CORO2B: variants seen among roughly 807,000 people sequenced by gnomAD.
CORO2B encodes the protein coronin-2B.
A neutral mutation model predicts 58.8 loss-of-function variants in CORO2B; 26 were observed. The observed-to-expected ratio is 0.44, with a 90% CI of 0.32 to 0.61. The LOEUF is 0.61. CORO2B is among the 20% of genes least tolerant of loss of function. The pLI, the probability that CORO2B is intolerant of heterozygous loss-of-function variation, is 0.04. For missense variants in CORO2B, 460 were observed against 645.1 expected (o/e 0.71, Z 3.11); for synonymous variants, 242 against 253.8 (o/e 0.95, Z 0.44).
intron 1 of CORO2B, among the ~76,000 whole-genome samples, chr15:68,595,610 C>G (rs1899806449): frequency 6.6e-6 from 1 of 152,188 alleles, no homozygotes; most frequent in Admixed American, 6.5e-5. Flanking sequence ...CTTCCTGTTT[C>G]CCATGGTGGA....
intron 2 of CORO2B, among the ~76,000 whole-genome samples, chr15:68,664,427 C>T (rs2140289581): frequency 6.6e-6 from 1 of 152,246 alleles, no homozygotes; most frequent in Non-Finnish European, 1.5e-5. Context: ...ACAGGCGGAT[C>T]ACGAGGTCAG....
intron 2 of CORO2B, among the ~76,000 whole-genome samples, chr15:68,656,175 C>T (rs1244751101): frequency 3.5e-5 from 4 of 113,158 alleles, no homozygotes; most frequent in East Asian, 3.1e-4. Context: ...ACCGTCCCCC[C>T]CGCCCCCCGA....
chr15:68,665,500 T>C (rs1222172209), intron 2 of CORO2B, among the ~76,000 whole-genome samples: 2 of 151,114 alleles, frequency 1.3e-5, no homozygotes, highest in Non-Finnish European at 2.9e-5. Flanking sequence ...GATCTGCTTA[T>C]ATAGATAGAA....
chr15:68,602,594 C>T (rs879854585), intron 1 of CORO2B, among the ~76,000 whole-genome samples: 8 of 152,240 alleles, frequency 5.3e-5, no homozygotes, highest in Non-Finnish European at 1.0e-4. Context: ...GTAACCTCCA[C>T]GGTTCCCAGG....
intron 2 of CORO2B, among the ~76,000 whole-genome samples, chr15:68,648,654 AAAAG>A (rs923775330): frequency 3.9e-5 from 6 of 152,290 alleles, no homozygotes; most frequent in African/African-American, 7.2e-5. Context: ...CGTCTCAAAA[AAAAG>A]AAAGAGAGAG....
chr15:68,648,268 G>T (rs1901517303), intron 2 of CORO2B, among the ~76,000 whole-genome samples: 1 of 151,498 alleles, frequency 6.6e-6, no homozygotes, highest in African/African-American at 2.4e-5. Context: ...GGGAGGCAGA[G>T]GTTGCAGTGG....
the CORO2B span, among the ~76,000 whole-genome samples, chr15:68,565,009 G>C: frequency 6.6e-6 from 1 of 152,088 alleles, no homozygotes; most frequent in South Asian, 2.1e-4. Context: ...TATCCTTATA[G>C]TTAAGATTTT....
At position 68,710,188 on chromosome 15, in the gene CORO2B, A is replaced by G. The variant is rs1487589873; in HGVS notation, c.334-544A>G. Among the ~76,000 whole-genome samples, 1 of 152,230 alleles carries G rather than the reference A, an allele frequency of 6.6e-6. No homozygotes were observed. The highest frequency in any genetic ancestry group is 1.9e-4 in the East Asian group (1 of 5,188). ...TCAGCTCAGGCCCCAACATCTGATCAGTCTCTGCCTTCAAGTCCACCATCT... is the reference window on the plus strand; with the variant it reads ...TCAGCTCAGGCCCCAACATCTGATCGGTCTCTGCCTTCAAGTCCACCATCT... On this transcript the variant is annotated intron_variant, in intron 3 of 11. Coordinates refer to ENST00000261861, the MANE Select transcript of CORO2B (RefSeq NM_006091.5). The surrounding 1 kb of genome is among the most constrained non-coding windows in gnomAD (Gnocchi z 4.1).
At chr15:68,564,330 G>T in the CORO2B span, among the ~76,000 whole-genome samples, 8 of 151,156 alleles carry the variant, frequency 5.3e-5, no homozygotes, top group African/African-American at 1.5e-4. Flanking sequence ...TTGAAACAGG[G>T]TCTCACTCTA....
chr15:68,538,247 G>A, the CORO2B span, among the ~76,000 whole-genome samples: 1 of 152,146 alleles, frequency 6.6e-6, no homozygotes, highest in Non-Finnish European at 1.5e-5. Flanking sequence ...TGGTGTGTGT[G>A]GAGGAAGAGG....
chr15:68,579,366 G>A lies in CORO2B; in HGVS notation c.15+89G>A, dbSNP rs181173841. 5,802 of 1,171,476 alleles carry A rather than the reference G, an allele frequency of 5.0e-3. 208 individuals are homozygous for A. The African/African-American group carries it at 0.082, about 17-fold the overall frequency. The allele number at this position is 1,171,476 out of a possible 1,614,324, so 72.6% of individuals were successfully genotyped here. A position where few individuals can be genotyped will look rare whatever the true frequency, so the allele number is the denominator to read the frequency against. On this transcript the variant is annotated intron_variant, in intron 1 of 11. Transcript: ENST00000261861. ...CGGGGGGCGCGGGGGTGTGGGTGTGGGGAGGGGGCGCCGGTGCCGGGAAGG... is the reference window on the plus strand; with the variant it reads ...CGGGGGGCGCGGGGGTGTGGGTGTGAGGAGGGGGCGCCGGTGCCGGGAAGG...
rs151015158 is a variant in CORO2B, at chr15:68,673,560, G to A, written c.217-21580G>A. On this transcript the variant is annotated intron_variant, in intron 2 of 11. Coordinates refer to ENST00000261861, the MANE Select transcript of CORO2B (RefSeq NM_006091.5). ...CTTAAAAAAGGAAAGTGTCTTGGCC[G>A]GGCTCCGTGGCACATGCCTGTAATC... 2.5e-3 allele frequency among the ~76,000 whole-genome samples: 375 copies of A among 152,056 alleles called. 1 individual carries two copies. Among genetic ancestry groups the A allele is most frequent in the African/African-American group, 8.5e-3 (352 of 41,486 alleles).
chr15:68,669,554 C>T (rs1160144586), intron 2 of CORO2B, among the ~76,000 whole-genome samples: 1 of 152,118 alleles, frequency 6.6e-6, no homozygotes. Context: ...GCAATCTATT[C>T]CCGGGACTGA....
intron 2 of CORO2B, among the ~76,000 whole-genome samples, chr15:68,678,064 G>A (rs1902645954): frequency 6.7e-6 from 1 of 149,028 alleles, no homozygotes; most frequent in Non-Finnish European, 1.5e-5. Flanking sequence ...CCTTTCCCCT[G>A]CAAGGTCTGT....
rs553667168 is a variant in CORO2B, at chr15:68,634,039, T to C, written c.16-11121T>C. Among the ~76,000 whole-genome samples, 3 of 152,358 alleles carry C rather than the reference T, an allele frequency of 2.0e-5. No individual in the cohort carries two copies. In the East Asian group the frequency reaches 5.8e-4, roughly 29 times the overall value. On this transcript the variant is annotated intron_variant, in intron 1 of 11. Coordinates refer to ENST00000261861, the MANE Select transcript of CORO2B (RefSeq NM_006091.5). ...GGCAGGGAGCCTCGGCAGTGGCAGC[T>C]ATGCCTGGCATCTCCCCGGCTCAGC...
chr15:68,668,204 G>A (rs910019479), intron 2 of CORO2B, among the ~76,000 whole-genome samples: 1 of 152,202 alleles, frequency 6.6e-6, no homozygotes, highest in African/African-American at 2.4e-5. Flanking sequence ...GTGAGCCTCG[G>A]TCAGCGAGAG....
chr15:68,703,083 C>G (rs1189985452), intron 3 of CORO2B, among the ~76,000 whole-genome samples: 1 of 147,386 alleles, frequency 6.8e-6, no homozygotes, highest in Non-Finnish European at 1.5e-5. Flanking sequence ...CGCCTCGCAT[C>G]CCAAAGTGCT....
chr15:68,594,003 T>C (rs934201712), intron 1 of CORO2B, among the ~76,000 whole-genome samples: 1 of 151,988 alleles, frequency 6.6e-6, no homozygotes, highest in Non-Finnish European at 1.5e-5. Context: ...GAGAGAGATG[T>C]GGTTGGGTGG....
chr15:68,643,993 C>T (rs926394323), intron 1 of CORO2B, among the ~76,000 whole-genome samples: 2 of 152,064 alleles, frequency 1.3e-5, no homozygotes, highest in African/African-American at 4.8e-5. Flanking sequence ...GCCGAGATCG[C>T]ACCATTGCAC....
Sources: gnomAD v4.1 joint callset for allele counts (sites outside exome capture counted in the v4.1 genomes callset) on GRCh38, gnomAD v4.1.1 for gene constraint, Gnocchi (gnomAD v3.1) non-coding constraint, MANE v1.5 for transcripts, NCBI Gene and HGNC (gene_info 2026-07-23, HGNC 2026-07-21) for gene names.